The following AFAP1 variants were observed in gnomAD, a reference collection of about 807,000 sequenced individuals.
AFAP1 encodes the protein actin filament-associated protein 1.
In AFAP1, 75 loss-of-function variants were observed where a neutral mutation model predicts 93.9. The observed-to-expected ratio is 0.80, with a 90% CI of 0.66 to 0.97. The LOEUF is 0.97. Among genes scored for constraint, AFAP1 ranks in the 50% least tolerant of loss-of-function variants. The pLI is 0.00. For missense variants in AFAP1, 1,201 were observed against 1,050.8 expected (o/e 1.14, Z -1.98); for synonymous variants, 517 against 430.7 (o/e 1.20, Z -2.48).
At chr4:7,877,689 A>G (rs990961074) in intron 1 of AFAP1, among the ~76,000 whole-genome samples, 8 of 152,222 alleles carry the variant, frequency 5.3e-5, no homozygotes, top group Admixed American at 5.2e-4. Flanking sequence ...TGCTTTGAAC[A>G]TTTCATAATA....
chr4:7,881,885 G>GCC (rs752870279), intron 1 of AFAP1, among the ~76,000 whole-genome samples: 5 of 152,028 alleles, frequency 3.3e-5, no homozygotes, highest in African/African-American at 1.2e-4. Flanking sequence ...TGGGTAAGTA[G>GCC]CCCCCCCAAA....
intron 1 of AFAP1, among the ~76,000 whole-genome samples, chr4:7,913,395 A>C (rs975573741): frequency 1.3e-5 from 2 of 152,012 alleles, no homozygotes; most frequent in Non-Finnish European, 1.5e-5. Flanking sequence ...CTCCAAAAAA[A>C]AAAAAAAAAA....
intron 1 of AFAP1, among the ~76,000 whole-genome samples, chr4:7,894,862 G>T (rs544323583): frequency 6.6e-6 from 1 of 152,262 alleles, no homozygotes; most frequent in East Asian, 1.9e-4. Context: ...CTCCAACCAC[G>T]AGGGGAAGGA....
intron 1 of AFAP1, among the ~76,000 whole-genome samples, chr4:7,885,571 T>C (rs1313119434): frequency 6.6e-6 from 1 of 152,218 alleles, no homozygotes; most frequent in African/African-American, 2.4e-5. Context: ...GTGTGACTTC[T>C]CTCTTTGCCC....
At chr4:7,855,999 T>C (rs1221991951) in intron 3 of AFAP1, among the ~76,000 whole-genome samples, 1 of 152,182 alleles carries the variant, frequency 6.6e-6, no homozygotes, top group African/African-American at 2.4e-5. Flanking sequence ...TGGGACTCCA[T>C]GGCCCTGCCA....
Position 7,769,015 on chromosome 4 carries a change from GGA to G in AFAP1, c.2254-9_2254-8del. 1.3e-6 allele frequency: 2 copies of G among 1,599,594 alleles called. No homozygotes were observed. The highest frequency in any genetic ancestry group is 1.7e-6 in the Non-Finnish European group (2 of 1,169,406). ...GGTGCCGGAACACTGGAGACTTAAC[GGA>G]GAGAGAGAACCCCATGTGATGAGCG... On this transcript the variant is annotated splice_polypyrimidine_tract_variant and splice_region_variant and intron_variant, in intron 16 of 17. Coordinates refer to ENST00000420658, the MANE Select transcript of AFAP1 (RefSeq NM_001134647.2).
intron 12 of AFAP1, among the ~76,000 whole-genome samples, chr4:7,785,400 A>G (rs1372622742): frequency 6.6e-6 from 1 of 152,124 alleles, no homozygotes; most frequent in Non-Finnish European, 1.5e-5. Context: ...CTGTGCCAGG[A>G]GCCAGGAGCC....
At chr4:7,779,201 T>A (rs1716485701) in intron 13 of AFAP1, 1 of 264,808 alleles carries the variant, frequency 3.8e-6, no homozygotes, top group Non-Finnish European at 7.1e-6. Context: ...AGCACTCAGA[T>A]GAGAGGAGTA....
intron 12 of AFAP1, among the ~76,000 whole-genome samples, chr4:7,784,823 G>A (rs895983930): frequency 2.0e-5 from 3 of 152,158 alleles, no homozygotes; most frequent in African/African-American, 7.2e-5. Flanking sequence ...CCCTCAAGGA[G>A]GCTGTTGTCT....
intron 1 of AFAP1, among the ~76,000 whole-genome samples, chr4:7,921,253 G>C (rs1216052470): frequency 1.5e-5 from 2 of 137,566 alleles, no homozygotes; most frequent in Admixed American, 8.3e-5. Context: ...GTGCACTCTT[G>C]GCTCACTGCA....
intron 3 of AFAP1, among the ~76,000 whole-genome samples, chr4:7,857,491 C>T (rs1409193796): frequency 6.6e-6 from 1 of 152,172 alleles, no homozygotes; most frequent in Non-Finnish European, 1.5e-5. Context: ...AATTCCTTTG[C>T]ACTCCTATCA....
intron 4 of AFAP1, among the ~76,000 whole-genome samples, chr4:7,848,354 C>T (rs1040552179): frequency 1.4e-4 from 22 of 152,042 alleles, no homozygotes; most frequent in African/African-American, 4.8e-4. Context: ...CCCTGGGATG[C>T]GCAAAGCGTG....
chr4:7,933,874 G>A (rs776616604), intron 1 of AFAP1, among the ~76,000 whole-genome samples: 4 of 152,220 alleles, frequency 2.6e-5, no homozygotes, highest in Non-Finnish European at 4.4e-5. Context: ...TGACACCCAC[G>A]TCAGACTTCT....
chr4:7,774,925 C>G, intron 14 of AFAP1, 22 bp from the exon 15 acceptor site: 1 of 1,597,120 alleles, frequency 6.3e-7, no homozygotes, highest in Non-Finnish European at 8.5e-7. Flanking sequence ...AAAAAAGCAG[C>G]AATTAAAAAT....
At chr4:7,787,784 C>G (rs942487207) in intron 11 of AFAP1, among the ~76,000 whole-genome samples, 1 of 152,172 alleles carries the variant, frequency 6.6e-6, no homozygotes, top group Non-Finnish European at 1.5e-5. Flanking sequence ...TGCCCAGGGC[C>G]TCGGGGCTCC....
chr4:7,878,051 A>G (rs1288041177), intron 1 of AFAP1, among the ~76,000 whole-genome samples: 2 of 152,196 alleles, frequency 1.3e-5, no homozygotes, highest in African/African-American at 4.8e-5. Flanking sequence ...ATGGCGTACC[A>G]AAATCTCACT....
In AFAP1 at chr4:7,800,399, CGT is replaced by C. The variant is rs765771832; in HGVS notation, c.1266+41_1266+42del. ...TCGCCTTTTGAAAGGAAGATCACCG[CGT>C]GTGTCCCTCTGTGGAGTACAGCCCC... is the stretch of plus-strand genomic sequence containing the variant. On this transcript the variant is annotated intron_variant, in intron 10 of 17. Coordinates refer to ENST00000420658, the MANE Select transcript of AFAP1 (RefSeq NM_001134647.2). 23 of 1,595,824 alleles carry C rather than the reference CGT, an allele frequency of 1.4e-5. No homozygotes were observed. In the South Asian group the frequency reaches 2.2e-4, roughly 15 times the overall value.
chr4:7,790,329 T>A (rs903926655), intron 11 of AFAP1, among the ~76,000 whole-genome samples: 7 of 152,240 alleles, frequency 4.6e-5, no homozygotes, highest in African/African-American at 1.4e-4. Context: ...ATAAATTCAT[T>A]ACATGCATAT....
At chr4:7,780,366 C>T (rs1178759674) in intron 13 of AFAP1, among the ~76,000 whole-genome samples, 1 of 152,208 alleles carries the variant, frequency 6.6e-6, no homozygotes, top group African/African-American at 2.4e-5. Flanking sequence ...TCACTACTAT[C>T]TATAATTCTA....
Sources: allele counts gnomAD v4.1 joint callset (sites outside exome capture counted in the v4.1 genomes callset), GRCh38; gene constraint gnomAD v4.1.1; transcripts MANE v1.5; gene names NCBI Gene and HGNC (gene_info 2026-07-23, HGNC 2026-07-21).